SLC7A2: variants seen among roughly 807,000 people sequenced by gnomAD.
The protein encoded by SLC7A2 is solute carrier family 7 member 2, also known as cationic amino acid transporter 2.
A neutral mutation model predicts 58.9 loss-of-function variants in SLC7A2; 48 were observed. That is an observed-to-expected ratio of 0.82 (90% CI 0.65 to 1.04). The LOEUF (loss-of-function observed/expected upper bound fraction) is 1.04, where lower values mean the gene tolerates loss of function less well. SLC7A2 is among the 50% of genes least tolerant of loss of function. The pLI, the probability that SLC7A2 is intolerant of heterozygous loss-of-function variation, is 0.00. For synonymous variants in SLC7A2, 363 were observed against 314.5 expected, an observed-to-expected ratio of 1.15 and a Z score of -1.63; for missense variants, 1,029 against 818.8, an observed-to-expected ratio of 1.26 and a Z score of -3.13.
At chr8:17,537,342 G>A (rs1246598697) in intron 2 of SLC7A2, among the ~76,000 whole-genome samples, 8 of 152,260 alleles carry the variant, frequency 5.3e-5, no homozygotes, top group African/African-American at 1.2e-4. Context: ...ATGAGCCACC[G>A]TGCCCAGCCC....
chr8:17,544,734 G>A (rs1439736259), intron 4 of SLC7A2, 128 bp downstream of exon 4: 11 of 734,720 alleles, frequency 1.5e-5, no homozygotes, highest in Non-Finnish European at 2.2e-5. Context: ...TTATGTCACT[G>A]TTAGACATCT....
At chr8:17,516,911 C>G (rs1488158997) in intron 2 of SLC7A2, among the ~76,000 whole-genome samples, 2 of 152,180 alleles carry the variant, frequency 1.3e-5, no homozygotes, top group African/African-American at 4.8e-5. Context: ...TCAAACAAAT[C>G]CCTGTCTTCA....
intron 2 of SLC7A2, among the ~76,000 whole-genome samples, chr8:17,535,908 A>G (rs62498010): frequency 6.6e-6 from 1 of 152,084 alleles, no homozygotes; most frequent in Non-Finnish European, 1.5e-5. Flanking sequence ...ATCTCAAAAC[A>G]AAAATTTTTT....
At chr8:17,545,403 C>CTTTTTTTTTTTTT (rs386412194) in intron 4 of SLC7A2, among the ~76,000 whole-genome samples, 2 of 64,300 alleles carry the variant, frequency 3.1e-5, no homozygotes, top group African/African-American at 7.0e-5. Flanking sequence ...TGAACATTTT[C>CTTTTTTTTTTTTT]TTTTTTTTTT....
chr8:17,554,747 A>G (rs1406569206), intron 8 of SLC7A2, 48 bp downstream of exon 8: 4 of 1,555,078 alleles, frequency 2.6e-6, no homozygotes, highest in Non-Finnish European at 3.5e-6. Flanking sequence ...CTTTTTCATC[A>G]AGGACTCTGC....
intron 11 of SLC7A2, 106 bp from the exon 12 acceptor site, chr8:17,563,497 G>A (rs1007677870): frequency 1.3e-5 from 9 of 691,714 alleles, no homozygotes; most frequent in South Asian, 3.5e-5. Flanking sequence ...TGTGATTGAC[G>A]TGGTGTGAAA....
intron 2 of SLC7A2, among the ~76,000 whole-genome samples, chr8:17,509,591 C>A (rs1195350967): frequency 6.6e-6 from 1 of 152,084 alleles, no homozygotes; most frequent in Non-Finnish European, 1.5e-5. Flanking sequence ...CAGGCGGGAG[C>A]CACCACGCCC....
At chr8:17,550,756 T>A (rs1177322699) in intron 6 of SLC7A2, among the ~76,000 whole-genome samples, 2 of 152,240 alleles carry the variant, frequency 1.3e-5, no homozygotes, top group African/African-American at 4.8e-5. Flanking sequence ...ATCCCTAACC[T>A]TCAGTCCAGA....
At chr8:17,553,877 C>T (rs1802565397) in intron 7 of SLC7A2, among the ~76,000 whole-genome samples, 1 of 152,116 alleles carries the variant, frequency 6.6e-6, no homozygotes, top group African/African-American at 2.4e-5. Context: ...TGAAATGGTG[C>T]AGCTAGTAAA....
At chr8:17,527,473 A>G (rs1801265956) in intron 2 of SLC7A2, among the ~76,000 whole-genome samples, 1 of 152,198 alleles carries the variant, frequency 6.6e-6, no homozygotes, top group Admixed American at 6.5e-5. Flanking sequence ...TAGGGTTGCC[A>G]TTCAAAGGTA....
At position 17,565,173 on chromosome 8, in the gene SLC7A2, G is replaced by C; in HGVS notation, c.*27G>C. The C allele has an allele frequency of 6.4e-7, 1 of 1,559,836 alleles. No homozygotes were observed. The highest frequency in any genetic ancestry group is 1.2e-5 in the South Asian group (1 of 86,102). On this transcript the variant is annotated 3_prime_UTR_variant, in exon 13 of 13. Transcript: ENST00000494857. ...ACTTGCAGGAGCAGAGCTGGTCATC[G>C]TCTTAGCATACATATCCTACACTGA... is the stretch of plus-strand genomic sequence containing the variant.
intron 2 of SLC7A2, among the ~76,000 whole-genome samples, chr8:17,528,440 A>G (rs1469593002): frequency 1.3e-5 from 2 of 151,966 alleles, no homozygotes; most frequent in Admixed American, 1.3e-4. Context: ...GCCGGAGTGC[A>G]GTGGCATGAT....
At chr8:17,516,280 C>T (rs933987946) in intron 2 of SLC7A2, among the ~76,000 whole-genome samples, 2 of 152,026 alleles carry the variant, frequency 1.3e-5, no homozygotes, top group South Asian at 2.1e-4. Context: ...GGCTGGAGTG[C>T]AGTGGCAAGA....
intron 2 of SLC7A2, among the ~76,000 whole-genome samples, chr8:17,532,252 A>AAC (rs1801489002): frequency 1.0e-5 from 1 of 98,998 alleles, no homozygotes; most frequent in Non-Finnish European, 2.1e-5. Context: ...AAAAAAAAAA[A>AAC]AAAAAAACCC....
intron 2 of SLC7A2, among the ~76,000 whole-genome samples, chr8:17,514,183 G>A (rs773704136): frequency 1.3e-5 from 2 of 152,002 alleles, no homozygotes; most frequent in Non-Finnish European, 2.9e-5. Context: ...ATCCAGGTAA[G>A]TAACAGACAT....
chr8:17,535,315 C>G (rs181835782), intron 2 of SLC7A2, among the ~76,000 whole-genome samples: 203 of 152,236 alleles, frequency 1.3e-3, no homozygotes, highest in African/African-American at 4.7e-3. Context: ...CTCCTTCTCA[C>G]TGAGCTTTCA....
At chr8:17,509,520 G>T (rs376664568) in intron 2 of SLC7A2, among the ~76,000 whole-genome samples, 4 of 152,018 alleles carry the variant, frequency 2.6e-5, no homozygotes, top group Admixed American at 1.3e-4. Context: ...TGGCTAGGCT[G>T]GTCCCGAACT....
chr8:17,496,864 C>G (rs1489512703), upstream of SLC7A2, among the ~76,000 whole-genome samples: 2 of 151,992 alleles, frequency 1.3e-5, no homozygotes, highest in African/African-American at 4.8e-5. Flanking sequence ...GCCCACCGGC[C>G]TAGCCCGGGG....
chr8:17,507,373 A>G (rs375453933), intron 2 of SLC7A2, among the ~76,000 whole-genome samples: 5 of 152,070 alleles, frequency 3.3e-5, no homozygotes, highest in South Asian at 4.2e-4. Context: ...GTGTGTGTGC[A>G]TTATTATTAT....
Sources: gnomAD v4.1 joint callset for allele counts (sites outside exome capture counted in the v4.1 genomes callset) on GRCh38, gnomAD v4.1.1 for gene constraint, MANE v1.5 for transcripts, NCBI Gene and HGNC (gene_info 2026-07-23, HGNC 2026-07-21) for gene names.